ST6GALNAC5: variants seen among roughly 807,000 people sequenced by gnomAD.
ST6GALNAC5 encodes the protein ST6 N-acetylgalactosaminide alpha-2,6-sialyltransferase 5.
ST6GALNAC5 carries 27 observed loss-of-function variants against 33.6 expected under a neutral mutation model. The observed-to-expected ratio is 0.80, with a 90% CI of 0.59 to 1.11. The LOEUF (loss-of-function observed/expected upper bound fraction) is 1.11, where lower values mean the gene tolerates loss of function less well. ST6GALNAC5 is among the 50% of genes least tolerant of loss of function. The pLI, the probability that ST6GALNAC5 is intolerant of heterozygous loss-of-function variation, is 0.00. For missense variants in ST6GALNAC5, 428 were observed against 454.0 expected (o/e 0.94, Z 0.52); for synonymous variants, 194 against 171.2 (o/e 1.13, Z -1.04).
intron 2 of ST6GALNAC5, among the ~76,000 whole-genome samples, chr1:76,992,976 G>A (rs1163241399): frequency 6.6e-6 from 1 of 152,136 alleles, no homozygotes; most frequent in African/African-American, 2.4e-5. Context: ...ACAGGACTAA[G>A]ACCCAAGTTC....
chr1:76,890,087 A>G (rs1433488400), intron 2 of ST6GALNAC5, among the ~76,000 whole-genome samples: 2 of 152,104 alleles, frequency 1.3e-5, no homozygotes, highest in African/African-American at 2.4e-5. Flanking sequence ...TTCATGTCCT[A>G]TATTGAAAAT....
intron 2 of ST6GALNAC5, among the ~76,000 whole-genome samples, chr1:76,938,866 A>G (rs1647259410): frequency 6.6e-6 from 1 of 152,150 alleles, no homozygotes; most frequent in Non-Finnish European, 1.5e-5. Flanking sequence ...CTAATTGTGC[A>G]TAACATTCCA....
At chr1:76,958,603 TTTG>T (rs1000897046) in intron 2 of ST6GALNAC5, among the ~76,000 whole-genome samples, 1 of 152,118 alleles carries the variant, frequency 6.6e-6, no homozygotes, top group Admixed American at 6.6e-5. Context: ...AGTGAAGTTT[TTTG>T]TTGTTGTTTT....
In ST6GALNAC5 at chr1:77,065,434, A is replaced by G. The variant is rs988746384; in HGVS notation, c.*2228A>G. 7.9e-5 allele frequency: 12 copies of G among 152,218 alleles called. No individual in the cohort carries two copies. The highest frequency in any genetic ancestry group is 3.2e-3 in the Middle Eastern group (1 of 316). 9.4% of individuals were successfully genotyped at this position (152,218 alleles called of 1,614,324 possible). A position where few individuals can be genotyped will look rare whatever the true frequency, so the allele number is the denominator to read the frequency against. On this transcript the variant is annotated 3_prime_UTR_variant, in exon 5 of 5. Coordinates refer to ENST00000477717, the MANE Select transcript of ST6GALNAC5 (RefSeq NM_030965.3). ...AAATACTCAGAAGAATGAAGAGGCC[A>G]AATTCAGAAAATCATGGCTTCACTG...
At chr1:76,969,503 G>A (rs184708126) in intron 2 of ST6GALNAC5, among the ~76,000 whole-genome samples, 2 of 152,292 alleles carry the variant, frequency 1.3e-5, no homozygotes, top group Admixed American at 1.3e-4. Context: ...TGAGCCTTCA[G>A]TAGGTAAACA....
chr1:77,003,698 A>T, intron 2 of ST6GALNAC5, among the ~76,000 whole-genome samples: 1 of 148,888 alleles, frequency 6.7e-6, no homozygotes, highest in African/African-American at 2.5e-5. Context: ...TGGTGACAAA[A>T]TCTCTCAGCA....
At chr1:77,052,469 TGAGAATTAAATGA>T (rs1652254023) in intron 4 of ST6GALNAC5, among the ~76,000 whole-genome samples, 1 of 152,116 alleles carries the variant, frequency 6.6e-6, no homozygotes, top group Non-Finnish European at 1.5e-5. Flanking sequence ...CAGGTCATGG[TGAGAATTAAATGA>T]GATAATAGAT....
At chr1:76,883,924 GA>G (rs1399662456) in intron 2 of ST6GALNAC5, among the ~76,000 whole-genome samples, 2 of 152,204 alleles carry the variant, frequency 1.3e-5, no homozygotes, top group African/African-American at 4.8e-5. Flanking sequence ...TGCAGATTTG[GA>G]GAAGTATTAT....
intron 2 of ST6GALNAC5, among the ~76,000 whole-genome samples, chr1:76,966,395 T>C (rs1174874645): frequency 6.6e-6 from 1 of 152,212 alleles, no homozygotes; most frequent in Non-Finnish European, 1.5e-5. Flanking sequence ...ATGATTTGGC[T>C]CTCTGTCTGT....
At chr1:76,918,051 C>T (rs1199798749) in intron 2 of ST6GALNAC5, among the ~76,000 whole-genome samples, 1 of 152,140 alleles carries the variant, frequency 6.6e-6, no homozygotes, top group Non-Finnish European at 1.5e-5. Context: ...TGTCTGGGCA[C>T]TCCATGGCCA....
At chr1:76,895,261 A>G (rs990683092) in intron 2 of ST6GALNAC5, among the ~76,000 whole-genome samples, 4 of 151,498 alleles carry the variant, frequency 2.6e-5, no homozygotes, top group African/African-American at 7.3e-5. Flanking sequence ...AAAATGAAAT[A>G]GTGGTAAAGT....
chr1:76,904,105 C>T (rs1398107081), intron 2 of ST6GALNAC5, among the ~76,000 whole-genome samples: 2 of 152,182 alleles, frequency 1.3e-5, no homozygotes, highest in Non-Finnish European at 2.9e-5. Context: ...CCAGCATAGG[C>T]CCAGGCCGCA....
intron 2 of ST6GALNAC5, among the ~76,000 whole-genome samples, chr1:77,012,944 A>G (rs1036957833): frequency 6.6e-6 from 1 of 152,192 alleles, no homozygotes; most frequent in Non-Finnish European, 1.5e-5. Flanking sequence ...AGGCAAGGGC[A>G]CTTTAAACTT....
chr1:76,919,846 T>C (rs1647013126), intron 2 of ST6GALNAC5, among the ~76,000 whole-genome samples: 1 of 152,190 alleles, frequency 6.6e-6, no homozygotes, highest in East Asian at 1.9e-4. Flanking sequence ...AAAGTGATGA[T>C]GAGAACTGTA....
chr1:77,052,315 A>G (rs1652249052), intron 4 of ST6GALNAC5, among the ~76,000 whole-genome samples: 1 of 152,224 alleles, frequency 6.6e-6, no homozygotes, highest in Non-Finnish European at 1.5e-5. Context: ...CAGGAGTAGC[A>G]CAGATGGATT....
chr1:77,005,406 A>G (rs1306478674), intron 2 of ST6GALNAC5, among the ~76,000 whole-genome samples: 1 of 152,174 alleles, frequency 6.6e-6, no homozygotes, highest in Admixed American at 6.5e-5. Context: ...CCCTAGTGAG[A>G]TGAACCCGGT....
chr1:77,005,334 C>T (rs186606953), intron 2 of ST6GALNAC5, among the ~76,000 whole-genome samples: 6 of 152,352 alleles, frequency 3.9e-5, no homozygotes, highest in South Asian at 2.1e-4. Flanking sequence ...GGCAATGCCT[C>T]GCCCTGCTTC....
intron 2 of ST6GALNAC5, among the ~76,000 whole-genome samples, chr1:77,016,141 TCCCCTCCTGTATCTTCCCCTC>T (rs1650829225): frequency 2.5e-5 from 1 of 40,562 alleles, no homozygotes; most frequent in Non-Finnish European, 4.5e-5. Context: ...ATCTCCTCCC[TCCCCTCCTGTATCTTCCCCTC>T]CTCCTCCTCC....
intron 2 of ST6GALNAC5, among the ~76,000 whole-genome samples, chr1:76,979,126 C>T (rs765946602): frequency 1.3e-4 from 19 of 150,658 alleles, no homozygotes; most frequent in Admixed American, 1.1e-3. Context: ...GAATAAGACA[C>T]AAAAAAAATG....
Sources: allele counts gnomAD v4.1 joint callset (sites outside exome capture counted in the v4.1 genomes callset), GRCh38; gene constraint gnomAD v4.1.1; transcripts MANE v1.5; gene names NCBI Gene and HGNC (gene_info 2026-07-23, HGNC 2026-07-21).